The following SEMA6D variants were observed in gnomAD, a reference collection of about 807,000 sequenced individuals.
SEMA6D encodes the protein semaphorin-6D.
In SEMA6D, 35 loss-of-function variants were observed where a neutral mutation model predicts 106.6. That is an observed-to-expected ratio of 0.33 (90% confidence interval 0.25 to 0.44). SEMA6D has a LOEUF of 0.44. Among genes scored for constraint, SEMA6D ranks in the 20% least tolerant of loss-of-function variants. The pLI is 1.00. For missense variants in SEMA6D, 1,185 were observed against 1,345.9 expected (o/e 0.88, Z 1.87); for synonymous variants, 499 against 487.7 (o/e 1.02, Z -0.31).
upstream of SEMA6D, among the ~76,000 whole-genome samples, chr15:47,715,504 G>A (rs575729982): frequency 7.9e-5 from 12 of 152,208 alleles, no homozygotes; most frequent in South Asian, 4.1e-4. Context: ...GATACCATTC[G>A]TACCATGCCA....
chr15:47,766,377 A>C (rs1438138328), intron 15 of SEMA6D, among the ~76,000 whole-genome samples, 195 bp downstream of exon 15: 1 of 152,144 alleles, frequency 6.6e-6, no homozygotes, highest in African/African-American at 2.4e-5. Context: ...ACCTAATAAT[A>C]CTTAAGGGAA....
chr15:47,585,590 A>G (rs773068370), intron 3 of SEMA6D, among the ~76,000 whole-genome samples: 7 of 152,186 alleles, frequency 4.6e-5, no homozygotes, highest in Non-Finnish European at 7.3e-5. Context: ...AGTTTCTGCA[A>G]GCCTCCAATA....
At chr15:47,264,292 CA>C (rs1490085160) in intron 1 of SEMA6D, among the ~76,000 whole-genome samples, 1 of 151,180 alleles carries the variant, frequency 6.6e-6, no homozygotes, top group Non-Finnish European at 1.5e-5. Flanking sequence ...CCCCATGACA[CA>C]AGTTTACTTA....
chr15:47,254,881 G>GTGTGTGTGTA (rs1370821903), intron 1 of SEMA6D, among the ~76,000 whole-genome samples: 1 of 146,172 alleles, frequency 6.8e-6, no homozygotes, highest in Non-Finnish European at 1.5e-5. Flanking sequence ...GGTTTTGTGT[G>GTGTGTGTGTA]TGTGTGTGTG....
At chr15:47,596,605 T>C (rs1191296437) in intron 3 of SEMA6D, among the ~76,000 whole-genome samples, 1 of 151,964 alleles carries the variant, frequency 6.6e-6, no homozygotes, top group African/African-American at 2.4e-5. Flanking sequence ...TAGAACAGAA[T>C]TGGGAACCCA....
chr15:47,432,023 G>A (rs1417848434), intron 2 of SEMA6D, among the ~76,000 whole-genome samples: 2 of 151,972 alleles, frequency 1.3e-5, no homozygotes, highest in African/African-American at 2.4e-5. Flanking sequence ...ATGTTACATG[G>A]CTGGGCTGGG....
At chr15:47,540,406 CAAAT>C (rs1025761654) in intron 3 of SEMA6D, among the ~76,000 whole-genome samples, 4 of 151,426 alleles carry the variant, frequency 2.6e-5, no homozygotes, top group African/African-American at 9.7e-5. Flanking sequence ...CACTAAGAAA[CAAAT>C]AAAGTTACTT....
At chr15:47,512,342 T>G (rs1045463645) in intron 3 of SEMA6D, among the ~76,000 whole-genome samples, 2 of 152,224 alleles carry the variant, frequency 1.3e-5, no homozygotes, top group African/African-American at 4.8e-5. Context: ...TTCTCCTGCA[T>G]GTGTGATCAT....
At chr15:47,223,664 C>T (rs2031406766) in intron 1 of SEMA6D, among the ~76,000 whole-genome samples, 2 of 152,058 alleles carry the variant, frequency 1.3e-5, no homozygotes, top group South Asian at 4.2e-4. Flanking sequence ...GTTGATAAGT[C>T]GATCATGTAC....
intron 4 of SEMA6D, among the ~76,000 whole-genome samples, chr15:47,669,068 C>CA (rs2078088914): frequency 6.6e-6 from 1 of 151,448 alleles, no homozygotes; most frequent in Admixed American, 6.6e-5. Context: ...TTCTATCTCT[C>CA]TTTTTTTTTC....
chr15:47,451,610 C>T (rs571954266), intron 2 of SEMA6D, among the ~76,000 whole-genome samples: 2 of 152,142 alleles, frequency 1.3e-5, no homozygotes, highest in South Asian at 2.1e-4. Flanking sequence ...CCCCACAAAC[C>T]CAAATCATTT....
intron 1 of SEMA6D, among the ~76,000 whole-genome samples, chr15:47,240,747 A>T (rs939372916): frequency 6.6e-6 from 1 of 152,202 alleles, no homozygotes; most frequent in Non-Finnish European, 1.5e-5. Flanking sequence ...TCATGTACAT[A>T]ATGATTGGTA....
chr15:47,745,433 A>G (rs1023521908), intron 1 of SEMA6D, among the ~76,000 whole-genome samples: 1 of 152,264 alleles, frequency 6.6e-6, no homozygotes, highest in African/African-American at 2.4e-5. Flanking sequence ...GCCTGGCTCC[A>G]GAGCCATGTT....
intron 1 of SEMA6D, among the ~76,000 whole-genome samples, chr15:47,367,978 TCA>T (rs2039124037): frequency 1.4e-5 from 2 of 146,440 alleles, no homozygotes. Flanking sequence ...TTTTTTTTTT[TCA>T]GAAGAACATT....
intron 1 of SEMA6D, among the ~76,000 whole-genome samples, chr15:47,404,525 T>C (rs1200209336): frequency 6.6e-6 from 1 of 152,066 alleles, no homozygotes; most frequent in Admixed American, 6.5e-5. Flanking sequence ...CCACCACCTC[T>C]CTCTAAGACC....
chr15:47,595,936 C>T (rs1287545892), intron 3 of SEMA6D, among the ~76,000 whole-genome samples: 1 of 151,906 alleles, frequency 6.6e-6, no homozygotes, highest in Non-Finnish European at 1.5e-5. Flanking sequence ...TATTAGAGGT[C>T]CTTGCCAGAG....
At chr15:47,344,027 A>G (rs1476646690) in intron 1 of SEMA6D, among the ~76,000 whole-genome samples, 1 of 152,172 alleles carries the variant, frequency 6.6e-6, no homozygotes, top group Non-Finnish European at 1.5e-5. Flanking sequence ...CAAAACCACA[A>G]TGAGATACCA....
chr15:47,535,071 A>C (rs1379513069), intron 3 of SEMA6D, among the ~76,000 whole-genome samples: 5 of 111,852 alleles, frequency 4.5e-5, no homozygotes, highest in African/African-American at 2.7e-4. Context: ...GAATGTGACA[A>C]AAAAAAAAAA....
chr15:47,702,852 GA>G (rs1468901740), intron 4 of SEMA6D, among the ~76,000 whole-genome samples: 1 of 151,994 alleles, frequency 6.6e-6, no homozygotes, highest in African/African-American at 2.4e-5. Context: ...GTTGAGAGGG[GA>G]AAAAAGGAGG....
Sources: gnomAD v4.1 joint callset for allele counts (sites outside exome capture counted in the v4.1 genomes callset) on GRCh38, gnomAD v4.1.1 for gene constraint, MANE v1.5 for transcripts, NCBI Gene and HGNC (gene_info 2026-07-23, HGNC 2026-07-21) for gene names.